The following FSTL5 variants were observed in gnomAD, a reference collection of about 807,000 sequenced individuals.
FSTL5 encodes follistatin-related protein 5.
In FSTL5, 62 loss-of-function variants were observed where a neutral mutation model predicts 89.1. The ratio of observed to expected loss-of-function variants is 0.70; its 90% confidence interval spans 0.57 to 0.86. The LOEUF (loss-of-function observed/expected upper bound fraction) is 0.86, where lower values mean the gene tolerates loss of function less well. Among genes scored for constraint, FSTL5 ranks in the 40% least tolerant of loss-of-function variants. The pLI is 0.00. For missense variants in FSTL5, 1,057 were observed against 1,001.6 expected (o/e 1.06, Z -0.75); for synonymous variants, 383 against 346.2 (o/e 1.11, Z -1.18).
chr4:161,582,912 G>C (rs1022555135), intron 8 of FSTL5, among the ~76,000 whole-genome samples: 8 of 152,170 alleles, frequency 5.3e-5, no homozygotes, highest in Non-Finnish European at 1.0e-4. Context: ...TCTCAGCCGG[G>C]TGTGGTGGCT....
chr4:161,477,098 T>C (rs528929446), intron 13 of FSTL5, among the ~76,000 whole-genome samples: 5 of 152,154 alleles, frequency 3.3e-5, no homozygotes, highest in Non-Finnish European at 5.9e-5. Context: ...GTATATGTTT[T>C]GTGTGTCTGA....
chr4:161,930,532 C>T (rs147217301), intron 3 of FSTL5, among the ~76,000 whole-genome samples: 1 of 151,560 alleles, frequency 6.6e-6, no homozygotes, highest in African/African-American at 2.4e-5. Flanking sequence ...AGGATTACAC[C>T]AATGTTAGTA....
chr4:161,477,251 T>C (rs907917668), intron 13 of FSTL5, among the ~76,000 whole-genome samples: 1 of 151,030 alleles, frequency 6.6e-6, no homozygotes, highest in African/African-American at 2.4e-5. Flanking sequence ...TCTGCCTTTT[T>C]AAGATCTTCC....
chr4:162,037,749 G>T (rs920114698), intron 2 of FSTL5, among the ~76,000 whole-genome samples: 2 of 151,828 alleles, frequency 1.3e-5, no homozygotes, highest in African/African-American at 4.8e-5. Context: ...CAATAGATTT[G>T]CAAAGTGAGA....
At chr4:161,796,370 TAC>T (rs56285869) in intron 4 of FSTL5, among the ~76,000 whole-genome samples, 4,548 of 151,908 alleles carry the variant, frequency 0.03, 76 homozygotes, top group African/African-American at 0.04. Context: ...AGTGGTTGAC[TAC>T]AGTTTGAGGT....
rs372123635 is a variant in FSTL5, at chr4:161,499,261, T to A, written c.1458+755A>T. Reference sequence around the variant, plus strand: ...AATTTAAGATTTTTTACATGTATAATTAAGTTATAACTTAACCAAAATGGT... The same window carrying A: ...AATTTAAGATTTTTTACATGTATAAATAAGTTATAACTTAACCAAAATGGT... On this transcript the variant is annotated intron_variant, in intron 12 of 15. Transcript: ENST00000306100. Among the ~76,000 whole-genome samples the A allele has an allele frequency of 4.2e-4, 64 of 152,270 alleles. 1 individual carries two copies. In the South Asian group the frequency reaches 0.012, roughly 29 times the overall value.
intron 4 of FSTL5, among the ~76,000 whole-genome samples, chr4:161,846,748 G>A (rs879093956): frequency 6.6e-6 from 1 of 152,116 alleles, no homozygotes; most frequent in Admixed American, 6.6e-5. Flanking sequence ...GTTTGTCAAA[G>A]TTGAATGGAG....
intron 10 of FSTL5, among the ~76,000 whole-genome samples, chr4:161,515,209 T>C (rs1035962827): frequency 3.3e-5 from 5 of 152,060 alleles, no homozygotes; most frequent in African/African-American, 1.2e-4. Flanking sequence ...GTTTGTTTCT[T>C]TGTTTGTTTG....
chr4:161,431,126 A>T (rs556845241), intron 15 of FSTL5, among the ~76,000 whole-genome samples: 69 of 152,320 alleles, frequency 4.5e-4, no homozygotes, highest in African/African-American at 1.6e-3. Flanking sequence ...GCTATACTGT[A>T]ATAGTAAGTA....
At chr4:162,008,461 T>A (rs1322797753) in intron 3 of FSTL5, among the ~76,000 whole-genome samples, 1 of 151,882 alleles carries the variant, frequency 6.6e-6, no homozygotes, top group African/African-American at 2.4e-5. Flanking sequence ...AAAGGATATT[T>A]ATTTGATTAA....
intron 7 of FSTL5, among the ~76,000 whole-genome samples, chr4:161,599,380 T>C (rs1188418178): frequency 3.3e-5 from 5 of 152,080 alleles, no homozygotes; most frequent in African/African-American, 1.2e-4. Context: ...CTGTAAAATA[T>C]AAACTCAAAT....
intron 6 of FSTL5, among the ~76,000 whole-genome samples, chr4:161,703,584 C>T (rs868496571): frequency 1.3e-5 from 2 of 152,168 alleles, no homozygotes; most frequent in South Asian, 2.1e-4. Context: ...TTTATAATAA[C>T]AGCCTTTCTA....
chr4:161,413,668 T>A (rs1216365184), intron 15 of FSTL5, among the ~76,000 whole-genome samples: 2 of 152,174 alleles, frequency 1.3e-5, no homozygotes, highest in Non-Finnish European at 2.9e-5. Flanking sequence ...ACATGAAAGC[T>A]ACCCAGGTGT....
At chr4:161,461,159 T>C (rs190019764) in intron 13 of FSTL5, among the ~76,000 whole-genome samples, 2 of 151,566 alleles carry the variant, frequency 1.3e-5, no homozygotes, top group East Asian at 1.9e-4. Flanking sequence ...ATGAAGCTAT[T>C]AGGTTAAGAG....
At chr4:162,104,229 G>T (rs891732587) in intron 2 of FSTL5, among the ~76,000 whole-genome samples, 4 of 152,166 alleles carry the variant, frequency 2.6e-5, no homozygotes, top group Non-Finnish European at 5.9e-5. Flanking sequence ...AAGTGCCTGG[G>T]TTCATCCTAA....
intron 9 of FSTL5, among the ~76,000 whole-genome samples, chr4:161,541,822 A>T (rs987037013): frequency 2.0e-5 from 3 of 151,958 alleles, no homozygotes; most frequent in Admixed American, 2.0e-4. Flanking sequence ...TAACAATGAA[A>T]AAAAGGTTTG....
chr4:161,970,468 G>T (rs1735449597), intron 3 of FSTL5, among the ~76,000 whole-genome samples: 1 of 152,036 alleles, frequency 6.6e-6, no homozygotes. Context: ...GCAATACTGA[G>T]AAGTGTCATT....
intron 4 of FSTL5, 119 bp downstream of exon 4, chr4:161,920,285 T>C (rs1268956539): frequency 9.7e-6 from 9 of 927,016 alleles, no homozygotes; most frequent in Non-Finnish European, 1.3e-5. Flanking sequence ...CTTAGGCTAT[T>C]TTGTGTTTCT....
At chr4:161,931,467 C>G (rs1370080655) in intron 3 of FSTL5, among the ~76,000 whole-genome samples, 2 of 151,800 alleles carry the variant, frequency 1.3e-5, no homozygotes, top group Non-Finnish European at 1.5e-5. Flanking sequence ...TAAATAAAGA[C>G]AATTTTTGTA....
Sources: allele counts gnomAD v4.1 joint callset (sites outside exome capture counted in the v4.1 genomes callset), GRCh38; gene constraint gnomAD v4.1.1; transcripts MANE v1.5; gene names NCBI Gene and HGNC (gene_info 2026-07-23, HGNC 2026-07-21).